The following LYRM1 variants were observed in gnomAD, a reference collection of about 807,000 sequenced individuals.
LYRM1 encodes LYR motif-containing protein 1.
A neutral mutation model predicts 14.9 loss-of-function variants in LYRM1; 14 were observed. The observed-to-expected ratio is 0.94, with a 90% CI of 0.62 to 1.47. The LOEUF is 1.47. Ranked by LOEUF, LYRM1 falls within the 40% of genes most tolerant of loss-of-function variation. The probability of loss-of-function intolerance (pLI) is 0.00; values close to 1 mark genes in which losing one functional copy is unlikely to be tolerated. For missense variants in LYRM1, 153 were observed against 149.9 expected (o/e 1.02, Z -0.11); for synonymous variants, 43 against 56.2 (o/e 0.77, Z 1.05).
chr16:20,913,996 G>A (rs1317541823), intron 1 of LYRM1, among the ~76,000 whole-genome samples: 1 of 151,874 alleles, frequency 6.6e-6, no homozygotes, highest in Non-Finnish European at 1.5e-5. Context: ...TTTTAGTAGA[G>A]ACGGGGTTTC....
chr16:20,913,034 C>G (rs1241371949), intron 1 of LYRM1, among the ~76,000 whole-genome samples: 1 of 150,612 alleles, frequency 6.6e-6, no homozygotes, highest in Non-Finnish European at 1.5e-5. Context: ...CCATTGCACT[C>G]CAGCCTGGGC....
chr16:20,916,517 CGT>C (rs2152548038), intron 2 of LYRM1, among the ~76,000 whole-genome samples: 1 of 152,298 alleles, frequency 6.6e-6, no homozygotes, highest in South Asian at 2.1e-4. Context: ...TCTCTTCAGC[CGT>C]GTCATCACAC....
Position 20,904,585 on chromosome 16 carries a change from A to T in LYRM1, c.-1+3696A>T, listed in dbSNP as rs915554216. On this transcript the variant is annotated intron_variant, in intron 1 of 3. Coordinates refer to ENST00000567954, the MANE Select transcript of LYRM1 (RefSeq NM_001128302.3). ...GTATGATTAAGTATACCACACAAGCATATCCTGAAATTTGCAAAACAGTGT... is the reference window on the plus strand; with the variant it reads ...GTATGATTAAGTATACCACACAAGCTTATCCTGAAATTTGCAAAACAGTGT... Among the ~76,000 whole-genome samples, 7 of 152,152 alleles carry T rather than the reference A, an allele frequency of 4.6e-5. No homozygotes were observed. In the South Asian group the frequency reaches 1.2e-3, roughly 27 times the overall value.
chr16:20,904,913 G>T (rs899896762), intron 1 of LYRM1, among the ~76,000 whole-genome samples: 1 of 152,104 alleles, frequency 6.6e-6, no homozygotes, highest in Non-Finnish European at 1.5e-5. Context: ...GGGAAGCCTG[G>T]TCATGCCTTT....
intron 3 of LYRM1, among the ~76,000 whole-genome samples, chr16:20,921,003 AAAT>A (rs1281577397): frequency 6.6e-5 from 10 of 151,854 alleles, no homozygotes; most frequent in African/African-American, 2.4e-4. Flanking sequence ...TATGAATTTA[AAAT>A]AATAAATGTA....
chr16:20,909,470 T>A lies in LYRM1; in HGVS notation c.1-6086T>A, dbSNP rs184498394. Among the ~76,000 whole-genome samples, 32 of 152,336 alleles carry A rather than the reference T, an allele frequency of 2.1e-4. 2 individuals carry two copies. The East Asian group carries it at 2.1e-3, about 10-fold the overall frequency. On this transcript the variant is annotated intron_variant, in intron 1 of 3. Transcript: ENST00000567954. Reference sequence around the variant, plus strand: ...ACTTCGTGACCAGCTGAGACCGCAGTTGAATTGTGGTCCTCTAAACTACTG... The same window carrying A: ...ACTTCGTGACCAGCTGAGACCGCAGATGAATTGTGGTCCTCTAAACTACTG...
rs1281807653 is a variant in LYRM1, at chr16:20,924,077, C to T, written c.330C>T (p.Ser110=). The change falls in exon 4 of 4, where the codon TCC becomes TCT. Residue 110 remains serine, a synonymous_variant. Transcript: ENST00000567954. ...LRSQEKLRKL[S]KPVYLRSHDE... ...GCCAAGAGAAACTGAGGAAACTTTC[C>T]AAACCAGTATATCTCAGATCTCATG... is the stretch of plus-strand genomic sequence containing the variant. 1.9e-6 allele frequency: 3 copies of T among 1,612,316 alleles called. No individual in the cohort carries two copies. In the Admixed American group the frequency reaches 5.0e-5, roughly 27 times the overall value.
rs968054630 is a variant in LYRM1 at position 20,900,784 on chromosome 16, C to T, written c.-106C>T. The stretch of plus-strand genomic sequence containing the variant: ...GTCCGGCCTGGCCTACTGGACCAGC[C>T]TGTGCTCGGTCGGCCACGGCTCTGC... On this transcript the variant is annotated 5_prime_UTR_variant, in exon 1 of 4. Coordinates refer to ENST00000567954, the MANE Select transcript of LYRM1 (RefSeq NM_001128302.3). 1 of 152,428 alleles carries T rather than the reference C, an allele frequency of 6.6e-6. No individual in the cohort carries two copies. Among genetic ancestry groups the T allele is most frequent in the Non-Finnish European group, 1.5e-5 (1 of 68,236 alleles). 9.4% of individuals were successfully genotyped at this position (152,428 alleles called of 1,614,324 possible). A position where few individuals can be genotyped will look rare whatever the true frequency, so the allele number is the denominator to read the frequency against.
intron 1 of LYRM1, among the ~76,000 whole-genome samples, chr16:20,913,069 A>AAT (rs2082679921): frequency 2.9e-4 from 42 of 145,054 alleles, no homozygotes; most frequent in South Asian, 8.6e-4. Context: ...TCTGTCTCAA[A>AAT]AATAATAATA....
intron 1 of LYRM1, among the ~76,000 whole-genome samples, chr16:20,913,667 A>G (rs1481391154): frequency 6.6e-6 from 1 of 152,112 alleles, no homozygotes; most frequent in Non-Finnish European, 1.5e-5. Context: ...GATACTGGGA[A>G]TTATGCTTTT....
chr16:20,923,345 C>G (rs767226109), intron 3 of LYRM1, among the ~76,000 whole-genome samples: 1 of 151,812 alleles, frequency 6.6e-6, no homozygotes, highest in Non-Finnish European at 1.5e-5. Flanking sequence ...ATTAAAAATA[C>G]AAAAATTAGC....
intron 1 of LYRM1, among the ~76,000 whole-genome samples, chr16:20,909,199 C>T (rs1482963437): frequency 6.6e-6 from 1 of 152,156 alleles, no homozygotes; most frequent in African/African-American, 2.4e-5. Flanking sequence ...GCCTGCACAT[C>T]ACAGAGGCTT....
chr16:20,912,983 T>C (rs928244748), intron 1 of LYRM1, among the ~76,000 whole-genome samples: 5 of 151,686 alleles, frequency 3.3e-5, no homozygotes, highest in Non-Finnish European at 7.4e-5. Context: ...GGATAATCAC[T>C]TGAACCTGGG....
Position 20,924,739 on chromosome 16 carries a change from G to A in LYRM1, c.*623G>A, listed in dbSNP as rs2083370799. Reference sequence around the variant, plus strand: ...GTCATTACTTAGGATGCACTTATAGGATCTGAAAAGCTCACTTTAAACTCA... The same window carrying A: ...GTCATTACTTAGGATGCACTTATAGAATCTGAAAAGCTCACTTTAAACTCA... On this transcript the variant is annotated 3_prime_UTR_variant, in exon 4 of 4. Coordinates refer to ENST00000567954, the MANE Select transcript of LYRM1 (RefSeq NM_001128302.3). 6.6e-6 allele frequency: 1 copy of A among 152,086 alleles called. No individual in the cohort carries two copies. The highest frequency in any genetic ancestry group is 6.6e-5 in the Admixed American group (1 of 15,256). 9.4% of individuals were successfully genotyped at this position (152,086 alleles called of 1,614,324 possible).
intron 3 of LYRM1, chr16:20,921,520 C>T (rs1278090673): frequency 6.6e-6 from 1 of 151,838 alleles, no homozygotes; most frequent in Non-Finnish European, 1.5e-5. Context: ...ATTCCTCAAC[C>T]TCTCGAATAG....
At chr16:20,920,594 A>T (rs1328130685) in intron 3 of LYRM1, 1 of 229,544 alleles carries the variant, frequency 4.4e-6, no homozygotes, top group African/African-American at 2.3e-5. Flanking sequence ...AATGGTCAAA[A>T]ATTCTCATCC....
At chr16:20,905,978 C>G (rs984105818) in intron 1 of LYRM1, among the ~76,000 whole-genome samples, 3 of 152,210 alleles carry the variant, frequency 2.0e-5, no homozygotes, top group African/African-American at 4.8e-5. Context: ...AATGACCATT[C>G]TGTGTGTGTA....
chr16:20,908,835 A>G, intron 1 of LYRM1, among the ~76,000 whole-genome samples: 1 of 152,226 alleles, frequency 6.6e-6, no homozygotes. Flanking sequence ...TTGTAGGCAG[A>G]GGAAGACTCA....
chr16:20,903,633 T>G (rs942986881), intron 1 of LYRM1, among the ~76,000 whole-genome samples: 1 of 152,160 alleles, frequency 6.6e-6, no homozygotes, highest in African/African-American at 2.4e-5. Flanking sequence ...CTAGTCATTC[T>G]CCGCATGTGA....
Sources: gnomAD v4.1 joint callset for allele counts (sites outside exome capture counted in the v4.1 genomes callset) on GRCh38, gnomAD v4.1.1 for gene constraint, MANE v1.5 for transcripts, NCBI Gene and HGNC (gene_info 2026-07-23, HGNC 2026-07-21) for gene names.